Variants in SGK1 observed in about 807,000 individuals in gnomAD.
SGK1 encodes serine/threonine-protein kinase Sgk1.
In SGK1, 26 loss-of-function variants were observed where a neutral mutation model predicts 64.2. That is an observed-to-expected ratio of 0.40 (90% confidence interval 0.30 to 0.56). The LOEUF is 0.56. SGK1 is among the 20% of genes least tolerant of loss of function. The pLI is 0.38. For missense variants in SGK1, 519 were observed against 645.6 expected (o/e 0.80, Z 2.12); for synonymous variants, 265 against 239.7 (o/e 1.11, Z -0.98).
intron 1 of SGK1, among the ~76,000 whole-genome samples, chr6:134,275,082 T>C (rs556162746): frequency 1.3e-4 from 20 of 152,348 alleles, no homozygotes; most frequent in Non-Finnish European, 2.5e-4. Flanking sequence ...GTGCTGGTAT[T>C]ACAGGCGTGA....
chr6:134,254,130 A>G (rs918682798), intron 2 of SGK1, among the ~76,000 whole-genome samples: 156 of 135,914 alleles, frequency 1.1e-3, no homozygotes, highest in Admixed American at 1.7e-3. Context: ...TTTTTTTTCA[A>G]AAAAAAAAAA....
chr6:134,279,422 T>G (rs900875952), intron 1 of SGK1, among the ~76,000 whole-genome samples: 1 of 119,388 alleles, frequency 8.4e-6, no homozygotes, highest in Non-Finnish European at 1.8e-5. Flanking sequence ...TAGAGTGAGA[T>G]CCTGTCTCAA....
chr6:134,227,071 T>C (rs1261078793), intron 2 of SGK1, among the ~76,000 whole-genome samples: 1 of 152,188 alleles, frequency 6.6e-6, no homozygotes, highest in African/African-American at 2.4e-5. Flanking sequence ...AGCTTAGTGG[T>C]AGTCTTAGGA....
At chr6:134,235,064 G>C (rs1412855587) in intron 2 of SGK1, among the ~76,000 whole-genome samples, 2 of 152,176 alleles carry the variant, frequency 1.3e-5, no homozygotes, top group Non-Finnish European at 2.9e-5. Context: ...AATTTATAGA[G>C]AGCTTTATAT....
intron 3 of SGK1, chr6:134,176,077 G>A: frequency 1.3e-6 from 1 of 763,090 alleles, no homozygotes; most frequent in Non-Finnish European, 1.6e-6. Flanking sequence ...TTTAATCTCT[G>A]CCATGCCAAG....
intron 2 of SGK1, among the ~76,000 whole-genome samples, chr6:134,239,487 A>G (rs551962789): frequency 1.3e-5 from 2 of 152,316 alleles, no homozygotes; most frequent in African/African-American, 4.8e-5. Context: ...GTATCAGCCT[A>G]TGGGCTCTTC....
rs571363756 is a variant in SGK1, at chr6:134,265,182, G to A, written c.70-3034C>T. Among the ~76,000 whole-genome samples the A allele has an allele frequency of 2.6e-5, 4 of 151,962 alleles. No individual in the cohort carries two copies. In the East Asian group the frequency reaches 5.8e-4, roughly 22 times the overall value. The stretch of plus-strand genomic sequence containing the variant: ...AAAACATATGTACTAACTATAGGCC[G>A]GGTGCAGTGGCTCACGCCTGTAATC... On this transcript the variant is annotated intron_variant, in intron 1 of 13. Transcript: ENST00000367858.
intron 1 of SGK1, chr6:134,298,619 C>T (rs1371246067): frequency 4.1e-6 from 5 of 1,225,004 alleles, no homozygotes; most frequent in African/African-American, 1.5e-5. Context: ...TGGGCCCACT[C>T]GTGTAGGAGC....
chr6:134,279,150 G>C (rs1777057693), intron 1 of SGK1, among the ~76,000 whole-genome samples: 1 of 152,184 alleles, frequency 6.6e-6, no homozygotes, highest in African/African-American at 2.4e-5. Context: ...CAAGGTTACT[G>C]GCTGGGAGCA....
chr6:134,175,689 G>A (rs1018012271), intron 3 of SGK1: 32 of 1,462,090 alleles, frequency 2.2e-5, no homozygotes, highest in Non-Finnish European at 2.7e-5. Context: ...GCGCGCGGCA[G>A]ACGAGAGCGA....
chr6:134,182,491 G>GT (rs1483772264), intron 3 of SGK1, among the ~76,000 whole-genome samples: 7 of 149,284 alleles, frequency 4.7e-5, no homozygotes, highest in African/African-American at 1.5e-4. Context: ...GCGAGACTCC[G>GT]TCTAAAAAAA....
intron 2 of SGK1, among the ~76,000 whole-genome samples, chr6:134,235,440 C>A (rs766482088): frequency 3.4e-4 from 51 of 150,712 alleles, no homozygotes; most frequent in Non-Finnish European, 3.8e-4. Flanking sequence ...TAACTTCAAA[C>A]CCTGTTTAGA....
At chr6:134,198,917 G>T (rs892363633) in intron 3 of SGK1, among the ~76,000 whole-genome samples, 1 of 151,562 alleles carries the variant, frequency 6.6e-6, no homozygotes, top group Non-Finnish European at 1.5e-5. Context: ...ACAAGGTGTC[G>T]CTCCGTCACC....
intron 1 of SGK1, chr6:134,298,160 G>A: frequency 7.5e-7 from 1 of 1,326,450 alleles, no homozygotes; most frequent in Middle Eastern, 2.4e-4. Flanking sequence ...CTCCATCTCT[G>A]TAAGCTTATT....
chr6:134,248,692 A>G (rs1776562094), intron 2 of SGK1, among the ~76,000 whole-genome samples: 1 of 151,856 alleles, frequency 6.6e-6, no homozygotes, highest in African/African-American at 2.4e-5. Context: ...CCTCGGCCTT[A>G]TTTACAGGTT....
intron 2 of SGK1, among the ~76,000 whole-genome samples, chr6:134,258,780 C>T (rs919527013): frequency 3.3e-5 from 5 of 152,044 alleles, no homozygotes; most frequent in Non-Finnish European, 5.9e-5. Flanking sequence ...ATCTCTTGAA[C>T]CCAGAAGTTT....
At chr6:134,239,721 A>T (rs1477516766) in intron 2 of SGK1, among the ~76,000 whole-genome samples, 1 of 152,222 alleles carries the variant, frequency 6.6e-6, no homozygotes, top group Admixed American at 6.5e-5. Flanking sequence ...GCACTCAAAG[A>T]TGACCTCTCA....
rs749828491 is a variant in SGK1, at chr6:134,261,939, C to A, written c.279G>T (p.Gly93=). 6.2e-7 allele frequency: 1 copy of A among 1,610,508 alleles called. No homozygotes were observed. Among genetic ancestry groups the A allele is most frequent in the South Asian group, 1.1e-5 (1 of 91,006 alleles). The stretch of plus-strand genomic sequence containing the variant: ...AGAGCGAACATGAACTTACTTCACA[C>A]CCAGATTGAGTTTCCCATGAACATG... The part of the protein sequence containing the change: ...NESCSWETQS[G]CEVREPCNHA... Residue 93 remains glycine (G), a synonymous_variant, in exon 2 of 14, where the codon GGG becomes GGT. Transcript: ENST00000367858.
chr6:134,302,847 C>G (rs988493449), intron 1 of SGK1, among the ~76,000 whole-genome samples: 3 of 151,850 alleles, frequency 2.0e-5, no homozygotes, highest in Non-Finnish European at 4.4e-5. Flanking sequence ...CTCCACCTCC[C>G]GGGTTCAAGC....
Sources: allele counts gnomAD v4.1 joint callset (sites outside exome capture counted in the v4.1 genomes callset), GRCh38; gene constraint gnomAD v4.1.1; transcripts MANE v1.5; gene names NCBI Gene and HGNC (gene_info 2026-07-23, HGNC 2026-07-21).